Variants in PHF24 observed in about 807,000 individuals in gnomAD.
PHF24 encodes Galpha inhibitory interacting protein.
A neutral mutation model predicts 42.6 loss-of-function variants in PHF24; 25 were observed. The ratio of observed to expected loss-of-function variants is 0.59; its 90% CI spans 0.43 to 0.82. The LOEUF (loss-of-function observed/expected upper bound fraction) is 0.82. Among genes scored for constraint, PHF24 ranks in the 40% least tolerant of loss-of-function variants. The pLI is 0.00. For synonymous variants in PHF24, 185 were observed against 204.8 expected (o/e 0.90, Z 0.83); for missense variants, 470 against 538.1 (o/e 0.87, Z 1.25).
the PHF24 span, among the ~76,000 whole-genome samples, chr9:34,728,283 G>A: frequency 6.6e-6 from 1 of 152,202 alleles, no homozygotes; most frequent in Non-Finnish European, 1.5e-5. Context: ...CAACCACAAT[G>A]TGATTGAGGC....
At chr9:34,725,005 A>T in the PHF24 span, 15 of 1,551,916 alleles carry the variant, frequency 9.7e-6, no homozygotes, top group African/African-American at 4.1e-5. Flanking sequence ...GTTGCTGCTG[A>T]TCAAGGGCCG....
At chr9:34,867,007 G>C in the PHF24 span, among the ~76,000 whole-genome samples, 3 of 152,200 alleles carry the variant, frequency 2.0e-5, no homozygotes, top group Admixed American at 2.0e-4. Context: ...CATGAGGAAA[G>C]TCCTGCTGCT....
chr9:34,740,743 C>T, the PHF24 span, among the ~76,000 whole-genome samples: 1 of 152,216 alleles, frequency 6.6e-6, no homozygotes, highest in Non-Finnish European at 1.5e-5. Context: ...GCAGTGGAAA[C>T]AACCTAAGCA....
chr9:34,867,077 G>C, the PHF24 span, among the ~76,000 whole-genome samples: 1 of 152,210 alleles, frequency 6.6e-6, no homozygotes, highest in African/African-American at 2.4e-5. Context: ...ATTATGGCAT[G>C]ATCTTCAGCC....
At chr9:34,868,772 A>C in the PHF24 span, among the ~76,000 whole-genome samples, 2 of 151,424 alleles carry the variant, frequency 1.3e-5, no homozygotes, top group Non-Finnish European at 2.9e-5. Context: ...TTTTCCTTCA[A>C]CTTTAAGTTC....
At chr9:34,729,215 G>A in the PHF24 span, 1 of 1,482,418 alleles carries the variant, frequency 6.7e-7, no homozygotes, top group Non-Finnish European at 9.0e-7. Flanking sequence ...GGATTATAAG[G>A]GAGCACGGTA....
the PHF24 span, among the ~76,000 whole-genome samples, chr9:34,696,594 G>T: frequency 2.0e-5 from 3 of 151,894 alleles, no homozygotes; most frequent in East Asian, 5.8e-4. Context: ...CTGAGGATCA[G>T]ATCCAAGACC....
At chr9:34,841,354 C>A in the PHF24 span, among the ~76,000 whole-genome samples, 1 of 152,118 alleles carries the variant, frequency 6.6e-6, no homozygotes, top group South Asian at 2.1e-4. Context: ...ATATTGAATA[C>A]GTCAGTTGTT....
chr9:34,823,959 G>C, the PHF24 span, among the ~76,000 whole-genome samples: 1 of 152,198 alleles, frequency 6.6e-6, no homozygotes, highest in Non-Finnish European at 1.5e-5. Context: ...TACCTCTCTA[G>C]GACAGGCACC....
chr9:34,722,135 C>A, the PHF24 span, among the ~76,000 whole-genome samples: 1 of 152,144 alleles, frequency 6.6e-6, no homozygotes, highest in Non-Finnish European at 1.5e-5. Context: ...CATCAGGCTT[C>A]TGTGTTGAGG....
the PHF24 span, among the ~76,000 whole-genome samples, chr9:34,703,785 C>G: frequency 6.6e-6 from 1 of 151,920 alleles, no homozygotes; most frequent in East Asian, 1.9e-4. Flanking sequence ...AGTCTGATCT[C>G]AAACTCTTGG....
At chr9:34,951,820 G>A in the PHF24 span, among the ~76,000 whole-genome samples, 2 of 152,240 alleles carry the variant, frequency 1.3e-5, no homozygotes, top group African/African-American at 4.8e-5. Flanking sequence ...CCATTTTGTT[G>A]TGTCTGTAAG....
chr9:34,917,209 G>A, the PHF24 span: 3 of 1,446,324 alleles, frequency 2.1e-6, no homozygotes, highest in East Asian at 2.3e-5. Context: ...TTAAATAAAG[G>A]CATCAAGCAG....
chr9:34,700,462 AGAG>A, the PHF24 span, among the ~76,000 whole-genome samples: 1 of 152,310 alleles, frequency 6.6e-6, no homozygotes, highest in African/African-American at 2.4e-5. Context: ...GAGAGAAAGA[AGAG>A]GAGAGAATAC....
At chr9:34,884,584 C>A in the PHF24 span, among the ~76,000 whole-genome samples, 1 of 152,066 alleles carries the variant, frequency 6.6e-6, no homozygotes, top group Admixed American at 6.6e-5. Context: ...AATTTAGGGG[C>A]AGAGGATGTT....
At chr9:34,859,359 G>A in the PHF24 span, among the ~76,000 whole-genome samples, 1 of 152,232 alleles carries the variant, frequency 6.6e-6, no homozygotes, top group South Asian at 2.1e-4. Context: ...TTCAGTTTGA[G>A]GGGGGAATTG....
At chr9:34,773,836 A>T in the PHF24 span, among the ~76,000 whole-genome samples, 1 of 152,178 alleles carries the variant, frequency 6.6e-6, no homozygotes, top group Non-Finnish European at 1.5e-5. Context: ...TATCTAATAA[A>T]CTGTCACAGG....
the PHF24 span, among the ~76,000 whole-genome samples, chr9:34,687,529 C>A: frequency 3.3e-5 from 5 of 152,182 alleles, no homozygotes; most frequent in African/African-American, 1.2e-4. Context: ...TCATGGGACT[C>A]TGGCCCAGGC....
At chr9:34,770,021 T>A in the PHF24 span, among the ~76,000 whole-genome samples, 1 of 152,186 alleles carries the variant, frequency 6.6e-6, no homozygotes, top group Non-Finnish European at 1.5e-5. Flanking sequence ...AAAGACTTTT[T>A]AGTTAAGACA....
Sources: allele counts gnomAD v4.1 joint callset (sites outside exome capture counted in the v4.1 genomes callset), GRCh38; gene constraint gnomAD v4.1.1; transcripts MANE v1.5; gene names NCBI Gene and HGNC (gene_info 2026-07-23, HGNC 2026-07-21).